Variants in ZBTB1 observed in about 807,000 individuals in gnomAD.
ZBTB1 encodes the protein zinc finger and BTB domain containing 1, also known as zinc finger and BTB domain-containing protein 1.
ZBTB1 carries 13 observed loss-of-function variants against 51.6 expected under a neutral mutation model. That is an observed-to-expected ratio of 0.25 (90% CI 0.16 to 0.40). The LOEUF is 0.40. Ranked by LOEUF, ZBTB1 falls within the 10% of genes least tolerant of loss-of-function variation. The pLI, the probability that ZBTB1 is intolerant of heterozygous loss-of-function variation, is 1.00. For missense variants in ZBTB1, 567 were observed against 856.5 expected (o/e 0.66, Z 4.22); for synonymous variants, 240 against 282.2 (o/e 0.85, Z 1.50).
chr14:64,505,725 C>T (rs2079644039), intron 1 of ZBTB1, among the ~76,000 whole-genome samples: 1 of 152,066 alleles, frequency 6.6e-6, no homozygotes, highest in Admixed American at 6.5e-5. Flanking sequence ...CTAAATTGGG[C>T]GAATCAGGAA....
At chr14:64,528,050 CTGG>C (rs1241443773), downstream of ZBTB1, among the ~76,000 whole-genome samples, 3 of 152,042 alleles carry the variant, frequency 2.0e-5, no homozygotes, top group Non-Finnish European at 4.4e-5. Flanking sequence ...GGAAGAGAAG[CTGG>C]TGGTGGTTGA....
intron 1 of ZBTB1, among the ~76,000 whole-genome samples, chr14:64,509,980 TAAA>T (rs368681831): frequency 7.5e-6 from 1 of 133,392 alleles, no homozygotes. Context: ...CCGTCTCAAT[TAAA>T]AAAAAAAAAA....
chr14:64,516,904 A>G (rs1479319269), intron 1 of ZBTB1, among the ~76,000 whole-genome samples: 2 of 152,176 alleles, frequency 1.3e-5, no homozygotes, highest in Non-Finnish European at 2.9e-5. Context: ...TATCATATTG[A>G]TCTTCTATGT....
At chr14:64,517,408 C>T (rs1251043019) in intron 1 of ZBTB1, among the ~76,000 whole-genome samples, 2 of 152,124 alleles carry the variant, frequency 1.3e-5, no homozygotes, top group Admixed American at 1.3e-4. Context: ...TATGGGTACT[C>T]ATTCTCCAAA....
chr14:64,529,235 A>G (rs989418059), downstream of ZBTB1, among the ~76,000 whole-genome samples: 21 of 152,212 alleles, frequency 1.4e-4, no homozygotes, highest in African/African-American at 4.8e-4. Context: ...GGTGGGCTCA[A>G]TTAAAAATTA....
chr14:64,508,063 C>CGAGA (rs2079686005), intron 1 of ZBTB1, among the ~76,000 whole-genome samples: 1 of 152,092 alleles, frequency 6.6e-6, no homozygotes, highest in African/African-American at 2.4e-5. Context: ...GGCAGGGTCT[C>CGAGA]ACTCCTTAGC....
chr14:64,505,496 T>C (rs2079637932), intron 1 of ZBTB1, among the ~76,000 whole-genome samples: 1 of 152,172 alleles, frequency 6.6e-6, no homozygotes, highest in South Asian at 2.1e-4. Context: ...AGGTCTGAGT[T>C]TGGGAATTTT....
At chr14:64,516,222 T>C (rs4902288) in intron 1 of ZBTB1, among the ~76,000 whole-genome samples, 125,040 of 152,114 alleles carry the variant, frequency 0.82, 51,507 homozygotes, top group East Asian at 0.89. Flanking sequence ...TATGATGGCA[T>C]GCCAGCCTGG....
chr14:64,519,619 A>AC (rs917190132), intron 1 of ZBTB1, among the ~76,000 whole-genome samples: 2 of 151,272 alleles, frequency 1.3e-5, no homozygotes, highest in Non-Finnish European at 2.9e-5. Context: ...TAAAAAAAAA[A>AC]AAACAAAAAA....
At chr14:64,520,235 C>T (rs1302400685) in intron 1 of ZBTB1, among the ~76,000 whole-genome samples, 1 of 152,114 alleles carries the variant, frequency 6.6e-6, no homozygotes, top group Non-Finnish European at 1.5e-5. Context: ...GATCTCCTGA[C>T]CTCGTGATCC....
chr14:64,532,723 T>C (rs2079951470), exon 3 of ZBTB1: 1 of 152,102 alleles, frequency 6.6e-6, no homozygotes, highest in South Asian at 2.1e-4. Flanking sequence ...TAAACCATGC[T>C]TCTCAGCTTT....
intron 1 of ZBTB1, among the ~76,000 whole-genome samples, chr14:64,516,998 A>G (rs1001894898): frequency 1.3e-5 from 2 of 152,212 alleles, no homozygotes; most frequent in African/African-American, 2.4e-5. Flanking sequence ...TGCTCTTTAT[A>G]TCATTATTTC....
At chr14:64,507,326 T>C (rs934929607) in intron 1 of ZBTB1, among the ~76,000 whole-genome samples, 1 of 152,252 alleles carries the variant, frequency 6.6e-6, no homozygotes, top group Non-Finnish European at 1.5e-5. Context: ...CATATTCTTA[T>C]GTGAACCAAA....
chr14:64,522,499 A>G lies in ZBTB1; in HGVS notation c.995A>G (p.Glu332Gly), dbSNP rs1168656957. Residue 332 changes from glutamate (E) to glycine (G), a missense_variant, in exon 2 of 2, where the codon GAA (glutamate) becomes GGA (glycine). This residue lies in a region of ZBTB1 where 329 missense variants were observed against 406.3 expected (regional missense o/e 0.81). Transcript: ENST00000683701. ...RKRIIIKMEPEDIPTDELKDF... is the reference protein window; with the variant it reads ...RKRIIIKMEPGDIPTDELKDF... Reference sequence around the variant, plus strand: ...AGGATTATTATTAAGATGGAGCCAGAAGATATTCCTACAGATGAACTGAAA... The same window carrying G: ...AGGATTATTATTAAGATGGAGCCAGGAGATATTCCTACAGATGAACTGAAA... The G allele has an allele frequency of 1.2e-6, 2 of 1,614,196 alleles. No homozygotes were observed.
chr14:64,526,982 G>C (rs1029795627), downstream of ZBTB1, among the ~76,000 whole-genome samples: 1 of 151,936 alleles, frequency 6.6e-6, no homozygotes, highest in Non-Finnish European at 1.5e-5. Context: ...GGAGTTCAAG[G>C]GAGCAGTGAG....
At chr14:64,517,546 A>G (rs937260666) in intron 1 of ZBTB1, among the ~76,000 whole-genome samples, 6 of 151,920 alleles carry the variant, frequency 3.9e-5, no homozygotes, top group African/African-American at 7.3e-5. Flanking sequence ...TCCTAGAAAA[A>G]TGACTATAGA....
At chr14:64,517,449 T>A (rs2079798201) in intron 1 of ZBTB1, among the ~76,000 whole-genome samples, 1 of 150,632 alleles carries the variant, frequency 6.6e-6, no homozygotes, top group Admixed American at 6.6e-5. Flanking sequence ...ATTACTCTTA[T>A]TAATAGAAAG....
At chr14:64,529,853 TTTGA>T (rs1169473097), downstream of ZBTB1, among the ~76,000 whole-genome samples, 1 of 152,172 alleles carries the variant, frequency 6.6e-6, no homozygotes, top group Non-Finnish European at 1.5e-5. Context: ...AGGTGATTGA[TTTGA>T]TTAAGATTTA....
chr14:64,511,836 A>G (rs1596687949), intron 1 of ZBTB1, among the ~76,000 whole-genome samples: 1 of 152,218 alleles, frequency 6.6e-6, no homozygotes, highest in East Asian at 1.9e-4. Context: ...AACAACTACT[A>G]TGTTTCAGCA....
Sources: gnomAD v4.1 joint callset for allele counts (sites outside exome capture counted in the v4.1 genomes callset) on GRCh38, gnomAD v4.1.1 for gene constraint, gnomAD v4.1.1 regional missense constraint, MANE v1.5 for transcripts, NCBI Gene and HGNC (gene_info 2026-07-23, HGNC 2026-07-21) for gene names.